Variants in PPIE observed in about 807,000 individuals in gnomAD.
PPIE encodes peptidyl-prolyl cis-trans isomerase E.
A neutral mutation model predicts 38.4 loss-of-function variants in PPIE; 20 were observed. That is an observed-to-expected ratio of 0.52 (90% CI 0.37 to 0.76). The LOEUF (loss-of-function observed/expected upper bound fraction) is 0.76, where lower values mean the gene tolerates loss of function less well. Ranked by LOEUF, PPIE falls within the 30% of genes least tolerant of loss-of-function variation. The pLI, the probability that PPIE is intolerant of heterozygous loss-of-function variation, is 0.00. For synonymous variants in PPIE, 142 were observed against 135.7 expected (o/e 1.05, Z -0.32); for missense variants, 322 against 385.8 (o/e 0.83, Z 1.39).
intron 2 of PPIE, 149 bp from the exon 3 acceptor site, chr1:39,741,217 C>G: frequency 1.5e-6 from 1 of 663,176 alleles, no homozygotes; most frequent in Non-Finnish European, 2.7e-6. Context: ...TAAGAAGAAT[C>G]AAGAATGAGA....
intron 1 of PPIE, 168 bp downstream of exon 1, chr1:39,739,099 G>T: frequency 1.5e-6 from 1 of 650,110 alleles, no homozygotes. Flanking sequence ...CTCCTTCCAA[G>T]GTTTCCCACT....
chr1:39,741,770 C>A, intron 3 of PPIE, 125 bp from the exon 4 acceptor site: 1 of 1,104,524 alleles, frequency 9.1e-7, no homozygotes, highest in Non-Finnish European at 1.3e-6. Context: ...TAGAAACACA[C>A]AAAACCTAGG....
chr1:39,753,630 C>T lies in PPIE; in HGVS notation c.*275C>T. On this transcript the variant is annotated 3_prime_UTR_variant, in exon 10 of 10. Coordinates refer to ENST00000324379, the MANE Select transcript of PPIE (RefSeq NM_006112.4). ...CACTGGCTTTTCTCAGCATTTGCTG[C>T]TGGGCCTCTCCTGGGACTACCAGTG... 1 of 1,303,316 alleles carries T rather than the reference C, an allele frequency of 7.7e-7. No individual in the cohort carries two copies. The highest frequency in any genetic ancestry group is 9.7e-7 in the Non-Finnish European group (1 of 1,027,346). The allele number at this position is 1,303,316 out of a possible 1,614,324, so 80.7% of individuals were successfully genotyped here. A position where few individuals can be genotyped will look rare whatever the true frequency, so the allele number is the denominator to read the frequency against.
intron 6 of PPIE, 69 bp downstream of exon 6, chr1:39,743,993 T>C: frequency 9.0e-7 from 1 of 1,110,234 alleles, no homozygotes; most frequent in Non-Finnish European, 1.3e-6. Flanking sequence ...TTTTTTAAGT[T>C]TTAATGGAAA....
chr1:39,740,890 A>G (rs1249517094), intron 2 of PPIE, among the ~76,000 whole-genome samples: 1 of 152,178 alleles, frequency 6.6e-6, no homozygotes, highest in Non-Finnish European at 1.5e-5. Context: ...AGGGCCTTCT[A>G]GTCTCTGAGT....
chr1:39,762,045 G>T (rs886803713), intron 9 of PPIE, among the ~76,000 whole-genome samples: 5 of 152,222 alleles, frequency 3.3e-5, no homozygotes, highest in African/African-American at 1.2e-4. Flanking sequence ...ACGGCATAAA[G>T]GGTGGCTGGG....
chr1:39,758,622 G>A (rs1335046337), downstream of PPIE: 1 of 152,272 alleles, frequency 6.6e-6, no homozygotes, highest in Admixed American at 6.5e-5. Context: ...TGAGGAGTTG[G>A]TAGACAGATT....
chr1:39,751,548 C>T (rs1197763086), intron 8 of PPIE, among the ~76,000 whole-genome samples: 2 of 152,068 alleles, frequency 1.3e-5, no homozygotes, highest in South Asian at 2.1e-4. Context: ...TTTGTAGAGA[C>T]AGGGTTTCAT....
Position 39,743,301 on chromosome 1 carries a change from A to C in PPIE, c.283+4A>C. ...AAGGAAGGCTCTTCCAGGCCAGGTGAGTAGGAGCAACTTCCAGATTCCCTG... is the reference window on the plus strand; with the variant it reads ...AAGGAAGGCTCTTCCAGGCCAGGTGCGTAGGAGCAACTTCCAGATTCCCTG... On this transcript the variant is annotated splice_donor_region_variant and intron_variant, in intron 5 of 9. Transcript: ENST00000324379. 6.2e-7 allele frequency: 1 copy of C among 1,613,364 alleles called. No homozygotes were observed. Among genetic ancestry groups the C allele is most frequent in the Non-Finnish European group, 8.5e-7 (1 of 1,179,276 alleles).
At position 39,749,063 on chromosome 1, in the gene PPIE, C is replaced by T. The variant is rs1647417952; in HGVS notation, c.669C>T (p.Asn223=). Residue 223 remains asparagine (N), a synonymous_variant, in exon 8 of 10, where the codon AAC becomes AAT. Coordinates refer to ENST00000324379, the MANE Select transcript of PPIE (RefSeq NM_006112.4). Reference sequence around the variant, plus strand: ...ATGGGAAGAAGTTCGATGATGAAAACTTTATCCTCAAGCATACGGGACCAG... The same window carrying T: ...ATGGGAAGAAGTTCGATGATGAAAATTTTATCCTCAAGCATACGGGACCAG... The part of the protein sequence containing the change: ...SIYGKKFDDE[N]FILKHTGPGL... 1 of 1,608,492 alleles carries T rather than the reference C, an allele frequency of 6.2e-7. No homozygotes were observed. The highest frequency in any genetic ancestry group is 8.5e-7 in the Non-Finnish European group (1 of 1,177,942).
intron 7 of PPIE, chr1:39,748,504 A>G (rs1471859671): frequency 3.1e-5 from 6 of 192,748 alleles, no homozygotes; most frequent in Non-Finnish European, 6.5e-5. Context: ...TTGGGAGGCC[A>G]AGGTGGGCGG....
At chr1:39,750,420 T>C (rs1322700991) in intron 8 of PPIE, among the ~76,000 whole-genome samples, 1 of 152,214 alleles carries the variant, frequency 6.6e-6, no homozygotes, top group South Asian at 2.1e-4. Context: ...ATACTACAGG[T>C]TGAGTGTCCC....
chr1:39,752,319 C>T (rs1175797107), intron 8 of PPIE, among the ~76,000 whole-genome samples: 2 of 152,198 alleles, frequency 1.3e-5, no homozygotes, highest in African/African-American at 2.4e-5. Flanking sequence ...ACGAGCATCT[C>T]ACACTTTACA....
At chr1:39,741,964 T>C (rs1445424818) in intron 4 of PPIE, 43 bp downstream of exon 4, 3 of 1,607,934 alleles carry the variant, frequency 1.9e-6, no homozygotes, top group Non-Finnish European at 2.6e-6. Flanking sequence ...TGCTTTTTGG[T>C]GGTACAGAGG....
At chr1:39,762,295 G>C in intron 9 of PPIE, 1 of 489,406 alleles carries the variant, frequency 2.0e-6, no homozygotes, top group Non-Finnish European at 3.6e-6. Flanking sequence ...TTGAACTTCT[G>C]GGCTCGTGTG....
At chr1:39,741,167 C>T (rs75956916) in intron 2 of PPIE, among the ~76,000 whole-genome samples, 199 bp from the exon 3 acceptor site, 2 of 151,954 alleles carry the variant, frequency 1.3e-5, no homozygotes, top group Non-Finnish European at 2.9e-5. Context: ...CAGCTATGTC[C>T]ATTAAAAAAA....
chr1:39,740,274 GTC>G lies in PPIE; in HGVS notation c.130+16_130+17del, dbSNP rs201145804. The G allele has an allele frequency of 1.8e-5, 28 of 1,599,066 alleles. No individual in the cohort carries two copies. The East Asian group carries it at 5.1e-4, about 29-fold the overall frequency. On this transcript the variant is annotated intron_variant, in intron 2 of 9. Transcript: ENST00000324379. ...TGGATTATGAAACAGGTGAGTTAGT[GTC>G]TCTCACGTTCAGAATCCTCTTACTA...
chr1:39,760,356 C>T, downstream of PPIE: 1 of 1,600,810 alleles, frequency 6.2e-7, no homozygotes. Context: ...TTGAGGGTTT[C>T]CTGCTTCTGA....
downstream of PPIE, chr1:39,757,887 T>C (rs1463523969): frequency 1.3e-5 from 2 of 152,230 alleles, no homozygotes; most frequent in Non-Finnish European, 2.9e-5. Context: ...ATCTGGATGA[T>C]AAAAGTTGCT....
Sources: allele counts gnomAD v4.1 joint callset (sites outside exome capture counted in the v4.1 genomes callset), GRCh38; gene constraint gnomAD v4.1.1; transcripts MANE v1.5; gene names NCBI Gene and HGNC (gene_info 2026-07-23, HGNC 2026-07-21).